Variants in ROBO2 observed in about 807,000 individuals in gnomAD.
ROBO2 encodes the protein roundabout homolog 2.
A neutral mutation model predicts 160.8 loss-of-function variants in ROBO2; 53 were observed. The observed-to-expected ratio is 0.33, with a 90% CI of 0.26 to 0.41. The LOEUF (loss-of-function observed/expected upper bound fraction) is 0.41, where lower values mean the gene tolerates loss of function less well. Among genes scored for constraint, ROBO2 ranks in the 10% least tolerant of loss-of-function variants. ROBO2 has a pLI of 1.00. For missense variants in ROBO2, 1,577 were observed against 1,722.4 expected (o/e 0.92, Z 1.49); for synonymous variants, 664 against 611.7 (o/e 1.09, Z -1.26).
At chr3:76,591,704 CA>C (rs1230998481) in intron 2 of ROBO2, among the ~76,000 whole-genome samples, 3 of 152,036 alleles carry the variant, frequency 2.0e-5, no homozygotes, top group Non-Finnish European at 1.5e-5. Context: ...ATTTTGTCAG[CA>C]TATACCAGGC....
chr3:77,151,332 C>T (rs1488120500), intron 2 of ROBO2, among the ~76,000 whole-genome samples: 1 of 151,912 alleles, frequency 6.6e-6, no homozygotes, highest in Non-Finnish European at 1.5e-5. Context: ...AAAATGCTAC[C>T]GAATTAAAAT....
intron 2 of ROBO2, chr3:76,434,259 G>C (rs186468762): frequency 3.0e-6 from 3 of 1,003,732 alleles, no homozygotes; most frequent in Non-Finnish European, 4.8e-6. Context: ...AGCGCTGTTG[G>C]TTACAGATTC....
chr3:76,780,000 T>C (rs953795145), intron 2 of ROBO2, among the ~76,000 whole-genome samples: 1 of 150,962 alleles, frequency 6.6e-6, no homozygotes, highest in African/African-American at 2.4e-5. Flanking sequence ...GCTGTACCAA[T>C]TTTTGTTCCC....
intron 2 of ROBO2, among the ~76,000 whole-genome samples, chr3:76,068,970 C>T (rs571951445): frequency 3.9e-4 from 59 of 152,284 alleles, no homozygotes; most frequent in Non-Finnish European, 5.4e-4. Flanking sequence ...GCTTCGTTGA[C>T]CACCATCTTC....
intron 2 of ROBO2, among the ~76,000 whole-genome samples, chr3:76,587,278 C>A (rs917967625): frequency 3.9e-5 from 6 of 151,996 alleles, no homozygotes; most frequent in Admixed American, 3.9e-4. Flanking sequence ...TTTTCCCTTC[C>A]AATTTACCGG....
At chr3:77,518,681 T>C (rs1400644937) in intron 5 of ROBO2, among the ~76,000 whole-genome samples, 2 of 151,454 alleles carry the variant, frequency 1.3e-5, no homozygotes, top group African/African-American at 2.4e-5. Context: ...GTGCAATGCG[T>C]AGATATGTCA....
intron 2 of ROBO2, among the ~76,000 whole-genome samples, chr3:76,606,234 T>C (rs1263099991): frequency 6.6e-6 from 1 of 152,204 alleles, no homozygotes; most frequent in Non-Finnish European, 1.5e-5. Flanking sequence ...TCTATGGAAC[T>C]ACCAATCCCC....
intron 2 of ROBO2, among the ~76,000 whole-genome samples, chr3:76,500,198 G>A (rs1388542561): frequency 5.3e-5 from 8 of 151,982 alleles, no homozygotes; most frequent in East Asian, 1.9e-4. Flanking sequence ...AGCTCACTGC[G>A]TCCTTGACTT....
chr3:76,136,112 G>T (rs988181648), intron 2 of ROBO2, among the ~76,000 whole-genome samples: 1 of 152,036 alleles, frequency 6.6e-6, no homozygotes, highest in Non-Finnish European at 1.5e-5. Flanking sequence ...AAATTTAAAT[G>T]TTCTGAGTTT....
chr3:76,483,275 T>C (rs2079304597), intron 2 of ROBO2, among the ~76,000 whole-genome samples: 1 of 151,786 alleles, frequency 6.6e-6, no homozygotes, highest in African/African-American at 2.4e-5. Context: ...TTCTATTACA[T>C]GTTGTTTTCT....
chr3:76,918,375 C>T (rs1016841525), intron 2 of ROBO2, among the ~76,000 whole-genome samples: 2 of 152,130 alleles, frequency 1.3e-5, no homozygotes, highest in African/African-American at 4.8e-5. Flanking sequence ...TGTAAGTTTC[C>T]TGAGGCCTCC....
At chr3:76,969,214 C>T (rs555749387) in intron 2 of ROBO2, among the ~76,000 whole-genome samples, 73 of 152,180 alleles carry the variant, frequency 4.8e-4, no homozygotes, top group African/African-American at 1.6e-3. Flanking sequence ...AGAATCAATA[C>T]AGTAAATGTG....
At chr3:76,981,250 T>C (rs1037541000) in intron 2 of ROBO2, among the ~76,000 whole-genome samples, 2 of 152,196 alleles carry the variant, frequency 1.3e-5, no homozygotes, top group African/African-American at 2.4e-5. Flanking sequence ...TTTAATCTTT[T>C]GAAGAATTGA....
At position 75,925,880 on chromosome 3, in the gene ROBO2, A is replaced by G. The variant is rs551858789; in HGVS notation, c.-13-11601A>G. Among the ~76,000 whole-genome samples, 6 of 152,326 alleles carry G rather than the reference A, an allele frequency of 3.9e-5. No homozygotes were observed. In the East Asian group the frequency reaches 1.2e-3, roughly 29 times the overall value. On this transcript the variant is annotated intron_variant, in intron 1 of 26. Coordinates refer to the ROBO2 transcript ENST00000487694. ...TTCCAGAGCCATAGGATTAAAACCAAGTAGGATTGCAAAAGACTCAATTCA... is the reference window on the plus strand; with the variant it reads ...TTCCAGAGCCATAGGATTAAAACCAGGTAGGATTGCAAAAGACTCAATTCA...
intron 2 of ROBO2, among the ~76,000 whole-genome samples, chr3:77,262,498 A>G (rs2058838551): frequency 6.6e-6 from 1 of 152,114 alleles, no homozygotes; most frequent in African/African-American, 2.4e-5. Context: ...GTGTCTTTGG[A>G]TGGGCCTTAG....
chr3:76,229,122 C>T (rs1293881679), intron 2 of ROBO2, among the ~76,000 whole-genome samples: 1 of 152,034 alleles, frequency 6.6e-6, no homozygotes, highest in Non-Finnish European at 1.5e-5. Context: ...AAAGAAAACC[C>T]ACTGCATTTG....
chr3:77,180,416 C>CTCTCTCTCTATATATATATATATATA (rs1433740534), intron 2 of ROBO2, among the ~76,000 whole-genome samples: 92 of 90,672 alleles, frequency 1.0e-3, no homozygotes, highest in Non-Finnish European at 1.4e-3. Flanking sequence ...CTCTCTCTCT[C>CTCTCTCTCTATATATATATATATATA]TATATATATA....
intron 2 of ROBO2, among the ~76,000 whole-genome samples, chr3:76,443,707 G>C (rs1348156850): frequency 3.3e-5 from 5 of 152,074 alleles, no homozygotes; most frequent in Non-Finnish European, 7.4e-5. Context: ...AATCATCTGA[G>C]TTACTTCTTA....
intron 2 of ROBO2, among the ~76,000 whole-genome samples, chr3:76,402,774 T>C (rs1346894862): frequency 1.3e-5 from 2 of 151,608 alleles, no homozygotes; most frequent in Non-Finnish European, 3.0e-5. Flanking sequence ...GTCAAATTCC[T>C]CTCAATTTGA....
Sources: gnomAD v4.1 joint callset for allele counts (sites outside exome capture counted in the v4.1 genomes callset) on GRCh38, gnomAD v4.1.1 for gene constraint, MANE v1.5 for transcripts, NCBI Gene and HGNC (gene_info 2026-07-23, HGNC 2026-07-21) for gene names.